The following MSH3 variants were observed in gnomAD, a reference collection of about 807,000 sequenced individuals.
MSH3 encodes mutS homolog 3.
MSH3 carries 106 observed loss-of-function variants against 123.3 expected under a neutral mutation model. The ratio of observed to expected loss-of-function variants is 0.86; its 90% CI spans 0.73 to 1.01. The LOEUF (loss-of-function observed/expected upper bound fraction) is 1.01, where lower values mean the gene tolerates loss of function less well. Ranked by LOEUF, MSH3 falls within the 50% of genes least tolerant of loss-of-function variation. The pLI, the probability that MSH3 is intolerant of heterozygous loss-of-function variation, is 0.00. For synonymous variants in MSH3, 515 were observed against 481.4 expected (o/e 1.07, Z -0.91); for missense variants, 1,459 against 1,347.6 (o/e 1.08, Z -1.29).
rs187255550 is a variant in MSH3 at position 80,718,922 on chromosome 5, A to G, written c.1341-6531A>G. Among the ~76,000 whole-genome samples, 444 of 152,284 alleles carry G rather than the reference A, an allele frequency of 2.9e-3. 3 individuals carry two copies. Among genetic ancestry groups the G allele is most frequent in the Non-Finnish European group, 1.7e-3 (114 of 68,022 alleles). On this transcript the variant is annotated intron_variant, in intron 8 of 23. Coordinates refer to ENST00000265081, the MANE Select transcript of MSH3 (RefSeq NM_002439.5). ...CTCTGTGCCATTTTGCCATGATGCT[A>G]GTAATCTTTAGTAGCTTTTTTGTGT...
chr5:80,731,520 A>G lies in MSH3; in HGVS notation c.1568+2555A>G, dbSNP rs547162360. ...AGCACCTAGTAGGCTTTTATTATAT[A>G]TTATTATATATAGTATTAATATAGG... On this transcript the variant is annotated intron_variant, in intron 10 of 23. Transcript: ENST00000265081. Among the ~76,000 whole-genome samples the G allele has an allele frequency of 4.0e-5, 6 of 151,460 alleles. No individual in the cohort carries two copies. The East Asian group carries it at 1.2e-3, about 29-fold the overall frequency.
intron 20 of MSH3, among the ~76,000 whole-genome samples, chr5:80,820,836 C>T (rs763968466): frequency 5.9e-5 from 9 of 152,160 alleles, no homozygotes; most frequent in Non-Finnish European, 1.2e-4. Flanking sequence ...ATTAGTCTGT[C>T]CTGACAACAC....
chr5:80,659,950 C>T (rs1334460636), intron 2 of MSH3, among the ~76,000 whole-genome samples: 1 of 152,010 alleles, frequency 6.6e-6, no homozygotes, highest in Non-Finnish European at 1.5e-5. Context: ...TTTTTTATAC[C>T]TGGGATCCAC....
At chr5:80,861,422 G>C (rs939680872) in intron 21 of MSH3, among the ~76,000 whole-genome samples, 4 of 152,162 alleles carry the variant, frequency 2.6e-5, no homozygotes, top group Non-Finnish European at 5.9e-5. Context: ...TGGAAGGCTA[G>C]AGGAGACTGG....
chr5:80,770,524 A>G, intron 15 of MSH3, among the ~76,000 whole-genome samples: 1 of 152,158 alleles, frequency 6.6e-6, no homozygotes, highest in Non-Finnish European at 1.5e-5. Flanking sequence ...GCCTACATAT[A>G]TTATTTAATT....
chr5:80,666,901 T>C (rs1002578146), intron 3 of MSH3, among the ~76,000 whole-genome samples: 3 of 152,244 alleles, frequency 2.0e-5, no homozygotes, highest in African/African-American at 4.8e-5. Context: ...CAAGGTTAAA[T>C]TGAGTTCAGC....
chr5:80,863,009 A>G (rs1045772162), intron 21 of MSH3, among the ~76,000 whole-genome samples: 1 of 152,238 alleles, frequency 6.6e-6, no homozygotes, highest in Non-Finnish European at 1.5e-5. Context: ...TCAAAGTGTC[A>G]TGCCACAGGT....
At chr5:80,727,965 A>G (rs1445427752) in intron 9 of MSH3, among the ~76,000 whole-genome samples, 5 of 152,192 alleles carry the variant, frequency 3.3e-5, no homozygotes. Context: ...AAGCAGAGAC[A>G]ACAGTAAGTA....
At chr5:80,670,744 G>A (rs10042193) in intron 4 of MSH3, among the ~76,000 whole-genome samples, 1,859 of 152,246 alleles carry the variant, frequency 0.012, 35 homozygotes, top group African/African-American at 0.043. Context: ...GGAAGAACAC[G>A]TGAACTTTAC....
rs72767317 is a variant in MSH3, at chr5:80,866,573, C to T, written c.3130+1631C>T. 5.8e-3 allele frequency among the ~76,000 whole-genome samples: 889 copies of T among 152,308 alleles called. 5 individuals carry two copies. Among genetic ancestry groups the T allele is most frequent in the Non-Finnish European group, 9.7e-3 (663 of 68,030 alleles). On this transcript the variant is annotated intron_variant, in intron 22 of 23. Transcript: ENST00000265081. ...AAGGCAACTACTTTCAACACTTCCCCTTTCTGTTGTATTTCTAAGTAATAT... is the reference window on the plus strand; with the variant it reads ...AAGGCAACTACTTTCAACACTTCCCTTTTCTGTTGTATTTCTAAGTAATAT...
chr5:80,759,138 C>T (rs1743987139), intron 12 of MSH3, among the ~76,000 whole-genome samples: 1 of 152,156 alleles, frequency 6.6e-6, no homozygotes, highest in Non-Finnish European at 1.5e-5. Context: ...TTATTGAGCA[C>T]AAATTGTTAT....
At chr5:80,689,056 A>G (rs1039855289) in intron 8 of MSH3, among the ~76,000 whole-genome samples, 3 of 152,234 alleles carry the variant, frequency 2.0e-5, no homozygotes, top group African/African-American at 7.2e-5. Flanking sequence ...GGGACTGGGT[A>G]GAAAGAGGGC....
At chr5:80,857,253 GGTTA>G (rs772012926) in intron 21 of MSH3, among the ~76,000 whole-genome samples, 8 of 152,182 alleles carry the variant, frequency 5.3e-5, no homozygotes, top group Non-Finnish European at 1.2e-4. Context: ...AGTCCTACTT[GGTTA>G]TGGTCTGTTT....
At chr5:80,788,052 T>G (rs1456574904) in intron 18 of MSH3, among the ~76,000 whole-genome samples, 3 of 152,210 alleles carry the variant, frequency 2.0e-5, no homozygotes, top group Admixed American at 2.0e-4. Context: ...CCCATATTCA[T>G]CCCACTATTC....
intron 20 of MSH3, among the ~76,000 whole-genome samples, chr5:80,833,550 C>T (rs956244048): frequency 1.4e-4 from 22 of 152,222 alleles, no homozygotes; most frequent in Non-Finnish European, 3.2e-4. Context: ...TCAAGTGAGT[C>T]TCCTGCCTCA....
chr5:80,730,415 G>A (rs1449025482), intron 10 of MSH3, among the ~76,000 whole-genome samples: 2 of 152,164 alleles, frequency 1.3e-5, no homozygotes, highest in Non-Finnish European at 2.9e-5. Flanking sequence ...TCTTCCAGGG[G>A]GAAGAAGGGA....
At chr5:80,728,645 A>G (rs1743345909) in intron 9 of MSH3, among the ~76,000 whole-genome samples, 1 of 152,068 alleles carries the variant, frequency 6.6e-6, no homozygotes, top group Non-Finnish European at 1.5e-5. Flanking sequence ...CTTTTTTTCC[A>G]TGCCCTGGGT....
intron 12 of MSH3, among the ~76,000 whole-genome samples, chr5:80,747,965 GTGT>G (rs1179238358): frequency 6.6e-6 from 1 of 152,212 alleles, no homozygotes; most frequent in Admixed American, 6.5e-5. Flanking sequence ...AGGCATGATG[GTGT>G]TGTTGTTTAT....
At chr5:80,873,330 T>G in intron 23 of MSH3, 43 bp downstream of exon 23, 2 of 1,596,282 alleles carry the variant, frequency 1.3e-6, no homozygotes, top group East Asian at 2.3e-5. Context: ...TAATGAAACC[T>G]TCTAAGTTGT....
Sources: gnomAD v4.1 joint callset for allele counts (sites outside exome capture counted in the v4.1 genomes callset) on GRCh38, gnomAD v4.1.1 for gene constraint, MANE v1.5 for transcripts, NCBI Gene and HGNC (gene_info 2026-07-23, HGNC 2026-07-21) for gene names.